The following RAB32 variants were observed in gnomAD, a reference collection of about 807,000 sequenced individuals.
RAB32 encodes ras-related protein Rab-32.
A neutral mutation model predicts 17.5 loss-of-function variants in RAB32; 17 were observed. That is an observed-to-expected ratio of 0.97 (90% CI 0.67 to 1.46). The LOEUF (loss-of-function observed/expected upper bound fraction) is 1.46, where lower values mean the gene tolerates loss of function less well. Ranked by LOEUF, RAB32 falls within the 40% of genes most tolerant of loss-of-function variation. The pLI, the probability that RAB32 is intolerant of heterozygous loss-of-function variation, is 0.00. For synonymous variants in RAB32, 115 were observed against 111.1 expected, an observed-to-expected ratio of 1.04 and a Z score of -0.22; for missense variants, 288 against 284.3, an observed-to-expected ratio of 1.01 and a Z score of -0.09.
At position 146,544,063 on chromosome 6, in the gene RAB32, C is replaced by A; in HGVS notation, c.192C>A (p.Leu64=). 6.2e-7 allele frequency: 1 copy of A among 1,613,900 alleles called. No individual in the cohort carries two copies. Among genetic ancestry groups the A allele is most frequent in the Non-Finnish European group, 8.5e-7 (1 of 1,179,958 alleles). ...YRATIGVDFA[L]KVLNWDSRTL... ...CCACCATCGGGGTGGACTTCGCCCT[C>A]AAGGTCCTCAACTGGGACAGCAGGA... Residue 64 remains leucine, a synonymous_variant, in exon 1 of 3, where the codon CTC becomes CTA. Transcript: ENST00000367495.
rs368499378 is a variant in RAB32, at chr6:146,549,506, A to G, written c.293A>G (p.Glu98Gly). The part of the protein sequence containing the change: ...FGNMTRVYYK[E>G]AVGAFVVFDI... The stretch of plus-strand genomic sequence containing the variant: ...AACATGACCCGAGTATACTACAAGG[A>G]AGCTGTTGGTGCTTTTGTAGTCTTT... The change falls in exon 2 of 3, where the codon GAA becomes GGA. Residue 98 changes from glutamate to glycine, a missense_variant. Physicochemically the swap from Glu to Gly is moderately conservative, Grantham distance 98. Transcript: ENST00000367495. 14 of 1,614,080 alleles carry G rather than the reference A, an allele frequency of 8.7e-6. No individual in the cohort carries two copies. Among genetic ancestry groups the G allele is most frequent in the Non-Finnish European group, 1.1e-5 (13 of 1,179,926 alleles).
chr6:146,547,254 T>G (rs1204879547), intron 1 of RAB32, among the ~76,000 whole-genome samples: 1 of 152,160 alleles, frequency 6.6e-6, no homozygotes, highest in East Asian at 1.9e-4. Flanking sequence ...TGCTTATTGC[T>G]TATTAGTCAC....
chr6:146,546,791 T>TG (rs1474545491), intron 1 of RAB32, among the ~76,000 whole-genome samples: 1 of 150,186 alleles, frequency 6.7e-6, no homozygotes, highest in African/African-American at 2.5e-5. Context: ...GGTTTTTTTT[T>TG]TTTTTTTTTT....
rs1420452991 is a variant in RAB32, at chr6:146,544,783, C to CCT, written c.250+663_250+664insTC. ...CTGGTGCCCTCGCCCCCCCCCGCCC[C>CCT]CCCCCCACTCCTCAATACAGTGTTT... On this transcript the variant is annotated intron_variant, in intron 1 of 2. Transcript: ENST00000367495. Among the ~76,000 whole-genome samples the CCT allele has an allele frequency of 3.4e-3, 449 of 133,632 alleles. 22 individuals are homozygous for CCT. Among genetic ancestry groups the CCT allele is most frequent in the African/African-American group, 0.012 (430 of 35,916 alleles). 87.7% of individuals were successfully genotyped at this position (133,632 alleles called of 152,430 possible).
chr6:146,543,886 A>G lies in RAB32; in HGVS notation c.15A>G (p.Gly5=), dbSNP rs768199111. Residue 5 remains glycine, a synonymous_variant, in exon 1 of 3, where the codon GGA becomes GGG. Transcript: ENST00000367495. MAGG[G]AGDPGLGAAA... ...CCGCAGCGCTCATGGCGGGCGGAGG[A>G]GCCGGGGACCCCGGCCTGGGGGCGG... The G allele has an allele frequency of 6.7e-6, 10 of 1,484,954 alleles. No homozygotes were observed. In the East Asian group the frequency reaches 2.4e-4, roughly 36 times the overall value. The allele number at this position is 1,484,954 out of a possible 1,614,324, so 92.0% of individuals were successfully genotyped here.
At chr6:146,546,782 G>GTTTTTTTTTT (rs962778741) in intron 1 of RAB32, among the ~76,000 whole-genome samples, 2 of 118,518 alleles carry the variant, frequency 1.7e-5, no homozygotes, top group African/African-American at 3.5e-5. Context: ...TACTAGTTAG[G>GTTTTTTTTTT]TTTTTTTTTT....
Position 146,543,942 on chromosome 6 carries a change from AC to A in RAB32, c.73del (p.Leu25SerfsTer6). 2 of 1,610,330 alleles carry A rather than the reference AC, an allele frequency of 1.2e-6. No individual in the cohort carries two copies. Among genetic ancestry groups the A allele is most frequent in the Non-Finnish European group, 1.7e-6 (2 of 1,178,650 alleles). On this transcript the variant is annotated frameshift_variant, in exon 1 of 3. Transcript: ENST00000367495. LOFTEE classifies it high-confidence loss of function. Reference protein sequence around the residue: ...AAAPAPETREHLFKVLVIGEL... With the variant: ...AAAPAPETREXLFKVLVIGEL... ...GCCCCAGCGCCCGAGACCCGCGAGC[AC>A]CTCTTCAAGGTGCTGGTGATCGGCG...
At chr6:146,552,500 A>C (rs982781008) in intron 2 of RAB32, among the ~76,000 whole-genome samples, 1 of 152,166 alleles carries the variant, frequency 6.6e-6, no homozygotes, top group African/African-American at 2.4e-5. Context: ...ATAGCATTGG[A>C]TTGGATTAGA....
chr6:146,549,129 G>A (rs1329843818), intron 1 of RAB32, among the ~76,000 whole-genome samples: 2 of 152,112 alleles, frequency 1.3e-5, no homozygotes, highest in African/African-American at 4.8e-5. Flanking sequence ...CCAGCTTTAT[G>A]TTTTCCTTTA....
Position 146,543,981 on chromosome 6 carries a change from G to T in RAB32, c.110G>T (p.Gly37Val), listed in dbSNP as rs1276085799. ...CTGGTGATCGGCGAGCTTGGCGTGG[G>T]CAAGACCAGCATCATCAAGCGCTAC... is the stretch of plus-strand genomic sequence containing the variant. ...KVLVIGELGV[G>V]KTSIIKRYVH... Residue 37 changes from glycine to valine, a missense_variant, in exon 1 of 3, where the codon GGC (glycine) becomes GTC (valine). Coordinates refer to ENST00000367495, the MANE Select transcript of RAB32 (RefSeq NM_006834.5). 1 of 1,613,648 alleles carries T rather than the reference G, an allele frequency of 6.2e-7. No homozygotes were observed. The highest frequency in any genetic ancestry group is 8.5e-7 in the Non-Finnish European group (1 of 1,179,880).
Position 146,549,556 on chromosome 6 carries a change from G to T in RAB32, c.343G>T (p.Glu115Ter). ...VFDISRSSTF[E>*]AVLKWKSDLD... is the part of the protein sequence containing the mutation. Reference sequence around the variant, plus strand: ...TGATATATCAAGAAGTTCCACATTTGAGGCAGTCTTAAAATGGAAAAGTGA... The same window carrying T: ...TGATATATCAAGAAGTTCCACATTTTAGGCAGTCTTAAAATGGAAAAGTGA... The change falls in exon 2 of 3, where the codon GAG (glutamate) becomes TAG (stop). Residue 115 changes from glutamate (E) to a stop codon, truncating the protein, a stop_gained. Transcript: ENST00000367495. LOFTEE classifies it high-confidence loss of function. 1 of 1,614,122 alleles carries T rather than the reference G, an allele frequency of 6.2e-7. No individual in the cohort carries two copies. The highest frequency in any genetic ancestry group is 8.5e-7 in the Non-Finnish European group (1 of 1,180,004).
chr6:146,548,149 A>G (rs1779846613), intron 1 of RAB32, among the ~76,000 whole-genome samples: 1 of 152,194 alleles, frequency 6.6e-6, no homozygotes, highest in Admixed American at 6.5e-5. Context: ...ATAAAATATG[A>G]GCATAATAGT....
chr6:146,552,814 A>C (rs1779913313), intron 2 of RAB32, among the ~76,000 whole-genome samples: 1 of 152,212 alleles, frequency 6.6e-6, no homozygotes, highest in African/African-American at 2.4e-5. Context: ...GGACGGGTGG[A>C]ACAAGTCAAG....
intron 2 of RAB32, among the ~76,000 whole-genome samples, chr6:146,551,142 G>A (rs1024691586): frequency 6.6e-6 from 1 of 152,184 alleles, no homozygotes; most frequent in Non-Finnish European, 1.5e-5. Flanking sequence ...GGAAAAAAAA[G>A]ACTGTCTACT....
At chr6:146,544,633 A>G (rs751864897) in intron 1 of RAB32, among the ~76,000 whole-genome samples, 22 of 151,808 alleles carry the variant, frequency 1.4e-4, no homozygotes, top group Admixed American at 3.3e-4. Context: ...GGGAAACTCC[A>G]TTCCTCAAAT....
At chr6:146,544,281 G>A (rs1467268988) in intron 1 of RAB32, among the ~76,000 whole-genome samples, 160 bp downstream of exon 1, 3 of 152,152 alleles carry the variant, frequency 2.0e-5, no homozygotes, top group African/African-American at 7.2e-5. Flanking sequence ...GACGCGGTCG[G>A]CTGGACTCGG....
intron 1 of RAB32, 34 bp from the exon 2 acceptor site, chr6:146,549,430 C>A (rs1779867935): frequency 6.3e-7 from 1 of 1,580,930 alleles, no homozygotes; most frequent in Non-Finnish European, 8.6e-7. Flanking sequence ...GTCTGAATTA[C>A]AAGTTTTTAA....
At chr6:146,551,445 A>C (rs1779897828) in intron 2 of RAB32, among the ~76,000 whole-genome samples, 1 of 152,052 alleles carries the variant, frequency 6.6e-6, no homozygotes, top group Non-Finnish European at 1.5e-5. Flanking sequence ...GGCTGGACTC[A>C]AACTCCTGAG....
intron 2 of RAB32, among the ~76,000 whole-genome samples, chr6:146,550,723 T>TTG (rs1327705794): frequency 1.6e-5 from 2 of 127,702 alleles, no homozygotes; most frequent in African/African-American, 3.2e-5. Context: ...TATAAAATGT[T>TTG]TGGGGGGGGG....
Sources: gnomAD v4.1 joint callset for allele counts (sites outside exome capture counted in the v4.1 genomes callset) on GRCh38, gnomAD v4.1.1 for gene constraint, MANE v1.5 for transcripts, NCBI Gene and HGNC (gene_info 2026-07-23, HGNC 2026-07-21) for gene names.